The following SGCG variants were observed in gnomAD, a reference collection of about 807,000 sequenced individuals.
SGCG encodes sarcoglycan gamma.
A neutral mutation model predicts 29.3 loss-of-function variants in SGCG; 26 were observed. That is an observed-to-expected ratio of 0.89 (90% CI 0.65 to 1.23). SGCG has a LOEUF of 1.23. Ranked by LOEUF, SGCG falls within the 50% of genes most tolerant of loss-of-function variation. SGCG has a pLI of 0.00. For synonymous variants in SGCG, 145 were observed against 129.7 expected (o/e 1.12, Z -0.80); for missense variants, 353 against 356.0 (o/e 0.99, Z 0.07).
At chr13:23,265,654 A>G (rs1382971875) in intron 4 of SGCG, among the ~76,000 whole-genome samples, 2 of 152,210 alleles carry the variant, frequency 1.3e-5, no homozygotes, top group African/African-American at 2.4e-5. Context: ...AAAATAGCCA[A>G]CAAATATGAA....
At chr13:23,259,907 G>C (rs1423466466) in intron 4 of SGCG, among the ~76,000 whole-genome samples, 3 of 152,168 alleles carry the variant, frequency 2.0e-5, no homozygotes, top group African/African-American at 7.2e-5. Context: ...TGGTCTGAGA[G>C]ACAGTTTGTT....
chr13:23,168,474 G>C, the SGCG span, among the ~76,000 whole-genome samples: 1 of 152,152 alleles, frequency 6.6e-6, no homozygotes, highest in African/African-American at 2.4e-5. Context: ...GTTGGTGCCT[G>C]TTGGACCAAA....
intron 2 of SGCG, among the ~76,000 whole-genome samples, chr13:23,218,307 A>G (rs1470956262): frequency 6.6e-6 from 1 of 152,184 alleles, no homozygotes; most frequent in Non-Finnish European, 1.5e-5. Context: ...ACTGGAAGAT[A>G]TATGTAAGTT....
chr13:23,204,539 CTG>C (rs1158728562), intron 2 of SGCG, among the ~76,000 whole-genome samples: 1 of 152,170 alleles, frequency 6.6e-6, no homozygotes, highest in African/African-American at 2.4e-5. Context: ...GCAGGTCAGT[CTG>C]TTGCTTACAT....
chr13:23,168,559 A>G, the SGCG span, among the ~76,000 whole-genome samples: 1 of 152,206 alleles, frequency 6.6e-6, no homozygotes, highest in African/African-American at 2.4e-5. Flanking sequence ...GCAGCTTCTC[A>G]GTACAGGCTT....
chr13:23,167,713 A>G, the SGCG span, among the ~76,000 whole-genome samples: 48 of 149,416 alleles, frequency 3.2e-4, no homozygotes, highest in East Asian at 9.8e-4. Flanking sequence ...TGAGAAATAT[A>G]TATTCCAATC....
chr13:23,279,740 TC>T (rs1442031831), intron 5 of SGCG, among the ~76,000 whole-genome samples: 1 of 151,736 alleles, frequency 6.6e-6, no homozygotes, highest in Non-Finnish European at 1.5e-5. Context: ...CTTTTTTTTT[TC>T]TTTTTAGACA....
intron 2 of SGCG, among the ~76,000 whole-genome samples, chr13:23,233,087 CAG>C (rs987955543): frequency 4.6e-5 from 7 of 152,102 alleles, no homozygotes; most frequent in Non-Finnish European, 8.8e-5. Flanking sequence ...GAATTGAAAA[CAG>C]GGCATCAAAG....
chr13:23,214,743 T>C (rs1878360829), intron 2 of SGCG, among the ~76,000 whole-genome samples: 1 of 152,236 alleles, frequency 6.6e-6, no homozygotes, highest in Non-Finnish European at 1.5e-5. Flanking sequence ...GTTTTTCAAA[T>C]GAATGGAACT....
At chr13:23,163,508 C>A in the SGCG span, among the ~76,000 whole-genome samples, 1 of 152,056 alleles carries the variant, frequency 6.6e-6, no homozygotes, top group African/African-American at 2.4e-5. Flanking sequence ...GTTCTGGACC[C>A]CTGAGTGGGA....
At chr13:23,314,191 G>T (rs9578581) in intron 6 of SGCG, among the ~76,000 whole-genome samples, 55,578 of 111,974 alleles carry the variant, frequency 0.5, 11,050 homozygotes, top group Middle Eastern at 0.65. Flanking sequence ...TATATATATA[G>T]AGAGAGAGAG....
At chr13:23,249,079 TA>T (rs1233051325) in intron 3 of SGCG, among the ~76,000 whole-genome samples, 1 of 152,106 alleles carries the variant, frequency 6.6e-6, no homozygotes, top group Non-Finnish European at 1.5e-5. Context: ...CTCATGTTAC[TA>T]GTAAAATCTT....
At chr13:23,259,490 A>T (rs1159265897) in intron 4 of SGCG, among the ~76,000 whole-genome samples, 1 of 152,044 alleles carries the variant, frequency 6.6e-6, no homozygotes, top group African/African-American at 2.4e-5. Flanking sequence ...TTTCAAAAAA[A>T]CCAGCTCCTA....
At chr13:23,167,039 G>T in the SGCG span, among the ~76,000 whole-genome samples, 3 of 152,062 alleles carry the variant, frequency 2.0e-5, no homozygotes, top group African/African-American at 7.2e-5. Flanking sequence ...CCAAACCCCT[G>T]CCCCTACTTT....
At chr13:23,242,674 T>C (rs1308359830) in intron 3 of SGCG, among the ~76,000 whole-genome samples, 2 of 152,154 alleles carry the variant, frequency 1.3e-5, no homozygotes, top group Admixed American at 6.5e-5. Flanking sequence ...CATCATTAGC[T>C]AATGATAAAA....
chr13:23,285,379 C>T (rs1224667221), intron 5 of SGCG, among the ~76,000 whole-genome samples: 4 of 152,102 alleles, frequency 2.6e-5, no homozygotes, highest in African/African-American at 9.7e-5. Flanking sequence ...CCACCTAGGT[C>T]AACCTTCTCA....
chr13:23,192,027 A>T (rs11618919), intron 1 of SGCG, among the ~76,000 whole-genome samples: 27,516 of 150,644 alleles, frequency 0.18, 3,050 homozygotes, highest in East Asian at 0.48. Flanking sequence ...TACAAAAAAT[A>T]AGCCGGGCGT....
intron 1 of SGCG, among the ~76,000 whole-genome samples, chr13:23,188,034 G>A (rs955963633): frequency 6.6e-6 from 1 of 152,208 alleles, no homozygotes; most frequent in African/African-American, 2.4e-5. Context: ...CCAGCCTGCA[G>A]TATGTGCAGC....
chr13:23,232,116 A>G (rs1478289730), intron 2 of SGCG, among the ~76,000 whole-genome samples: 3 of 141,034 alleles, frequency 2.1e-5, no homozygotes, highest in Admixed American at 1.5e-4. Context: ...GAGATTCCAT[A>G]AAGAAAAAAA....
Sources: allele counts gnomAD v4.1 joint callset (sites outside exome capture counted in the v4.1 genomes callset), GRCh38; gene constraint gnomAD v4.1.1; transcripts MANE v1.5; gene names NCBI Gene and HGNC (gene_info 2026-07-23, HGNC 2026-07-21).